Variants in RBFOX1 observed in about 807,000 individuals in gnomAD.
The protein encoded by RBFOX1 is RNA binding fox-1 homolog 1, also known as RNA binding protein fox-1 homolog 1.
Under a neutral mutation model 57.7 loss-of-function variants are expected in RBFOX1, and 8 were observed. The ratio of observed to expected loss-of-function variants is 0.14; its 90% confidence interval spans 0.08 to 0.25. The LOEUF is 0.25. Among genes scored for constraint, RBFOX1 ranks in the 10% least tolerant of loss-of-function variants. The pLI is 1.00. For missense variants in RBFOX1, 611 were observed against 548.5 expected, an observed-to-expected ratio of 1.11 and a Z score of -1.14; for synonymous variants, 326 against 222.4, an observed-to-expected ratio of 1.47 and a Z score of -4.15.
At chr16:6,846,561 T>G (rs1216612951) in intron 3 of RBFOX1, among the ~76,000 whole-genome samples, 2 of 152,182 alleles carry the variant, frequency 1.3e-5, no homozygotes, top group Non-Finnish European at 2.9e-5. Context: ...TTCGGGGAGC[T>G]GCTGCAATGC....
chr16:7,400,811 C>T (rs1302450469), intron 4 of RBFOX1, among the ~76,000 whole-genome samples: 1 of 152,192 alleles, frequency 6.6e-6, no homozygotes, highest in Non-Finnish European at 1.5e-5. Context: ...TAGGAGGAGT[C>T]AGTGTCCACA....
intron 15 of RBFOX1, chr16:7,710,195 G>A (rs887274): frequency 1 from 1,023,958 of 1,028,116 alleles, 510,036 homozygotes; most frequent in East Asian, 1. Context: ...TAAGAAGTAG[G>A]TTGAGATTTT....
At chr16:6,802,183 C>T (rs1240266648) in intron 3 of RBFOX1, among the ~76,000 whole-genome samples, 1 of 152,078 alleles carries the variant, frequency 6.6e-6, no homozygotes, top group Non-Finnish European at 1.5e-5. Flanking sequence ...GCTTTGGTTG[C>T]ATCCCAGCCT....
At chr16:6,468,144 G>C (rs747297599) in intron 2 of RBFOX1, among the ~76,000 whole-genome samples, 52 of 152,100 alleles carry the variant, frequency 3.4e-4, no homozygotes, top group Admixed American at 2.4e-3. Flanking sequence ...TGTGCAATGT[G>C]GGATAGAATT....
chr16:6,032,034 G>C (rs992990096), intron 1 of RBFOX1, among the ~76,000 whole-genome samples: 1 of 151,908 alleles, frequency 6.6e-6, no homozygotes, highest in Non-Finnish European at 1.5e-5. Flanking sequence ...GAAATGCTTT[G>C]GGGACTTCGG....
At chr16:5,506,328 T>A (rs1034269028) in intron 2 of RBFOX1, among the ~76,000 whole-genome samples, 5 of 152,202 alleles carry the variant, frequency 3.3e-5, no homozygotes, top group African/African-American at 1.2e-4. Context: ...AAGTCGCGGA[T>A]AGCTCCTCAC....
chr16:5,834,627 C>G (rs201716580), intron 3 of RBFOX1, among the ~76,000 whole-genome samples: 1 of 134,294 alleles, frequency 7.4e-6, no homozygotes, highest in Non-Finnish European at 1.6e-5. Context: ...GATAGATTGA[C>G]TGATTTGTTT....
At chr16:5,709,119 G>C (rs755720709) in intron 3 of RBFOX1, among the ~76,000 whole-genome samples, 1 of 152,116 alleles carries the variant, frequency 6.6e-6, no homozygotes, top group Non-Finnish European at 1.5e-5. Context: ...TTGAGTTTCT[G>C]TCTCTTGCAA....
intron 3 of RBFOX1, among the ~76,000 whole-genome samples, chr16:7,036,516 C>CT (rs2044476725): frequency 6.6e-6 from 1 of 151,790 alleles, no homozygotes; most frequent in Non-Finnish European, 1.5e-5. Flanking sequence ...TGAGACCAGC[C>CT]TGGGTGTCTG....
chr16:7,560,496 C>T lies in RBFOX1; in HGVS notation c.271-19281C>T, dbSNP rs145424249. On this transcript the variant is annotated intron_variant, in intron 5 of 15. Transcript: ENST00000550418. ...CTCCGGATTTCACATTGTCATCCTGCGGTGGGAACATATCTTGCATTTTTA... is the reference window on the plus strand; with the variant it reads ...CTCCGGATTTCACATTGTCATCCTGTGGTGGGAACATATCTTGCATTTTTA... Among the ~76,000 whole-genome samples the T allele has an allele frequency of 2.4e-4, 36 of 148,434 alleles. No homozygotes were observed. In the East Asian group the frequency reaches 5.3e-3, roughly 22 times the overall value.
chr16:5,896,885 C>T (rs1014297328), intron 4 of RBFOX1, among the ~76,000 whole-genome samples: 1 of 152,118 alleles, frequency 6.6e-6, no homozygotes, highest in African/African-American at 2.4e-5. Flanking sequence ...TTCCCATTTT[C>T]TTCTGCTTTT....
At chr16:6,219,112 A>G (rs141985406) in intron 1 of RBFOX1, among the ~76,000 whole-genome samples, 1 of 152,298 alleles carries the variant, frequency 6.6e-6, no homozygotes, top group East Asian at 1.9e-4. Flanking sequence ...ATTGAGAGCA[A>G]AGGTCACAAT....
intron 3 of RBFOX1, chr16:7,004,099 G>T (rs1157845316): frequency 6.6e-6 from 1 of 150,562 alleles, no homozygotes; most frequent in East Asian, 2.0e-4. Context: ...TATATGTGTT[G>T]CCAATGTGGA....
chr16:6,572,632 A>T (rs937524371), intron 2 of RBFOX1, among the ~76,000 whole-genome samples: 8 of 151,448 alleles, frequency 5.3e-5, no homozygotes, highest in African/African-American at 1.9e-4. Flanking sequence ...TCACTCTGTC[A>T]CCCAGGCTGG....
At chr16:5,273,569 G>A (rs2063068838) in intron 1 of RBFOX1, among the ~76,000 whole-genome samples, 2 of 152,182 alleles carry the variant, frequency 1.3e-5, no homozygotes, top group African/African-American at 4.8e-5. Context: ...GGTTTGGAAC[G>A]ACGGGAAGGA....
At chr16:6,259,783 C>T (rs756365977) in intron 1 of RBFOX1, among the ~76,000 whole-genome samples, 13 of 152,026 alleles carry the variant, frequency 8.6e-5, no homozygotes, top group South Asian at 2.1e-4. Context: ...CATGCTGAGA[C>T]GCCATTTGTA....
chr16:6,450,770 T>TAC (rs2094576994), intron 2 of RBFOX1, among the ~76,000 whole-genome samples: 1 of 19,916 alleles, frequency 5.0e-5, no homozygotes, highest in Admixed American at 8.4e-4. Context: ...TATATGTGTA[T>TAC]ATATATATAT....
At chr16:7,168,170 G>T (rs74009276) in intron 4 of RBFOX1, among the ~76,000 whole-genome samples, 26,501 of 152,116 alleles carry the variant, frequency 0.17, 3,268 homozygotes, top group East Asian at 0.39. Flanking sequence ...TATCAATGAT[G>T]GCTTTTCTAT....
At chr16:7,199,992 A>C (rs1221231406) in intron 4 of RBFOX1, among the ~76,000 whole-genome samples, 1 of 152,242 alleles carries the variant, frequency 6.6e-6, no homozygotes, top group Non-Finnish European at 1.5e-5. Flanking sequence ...CTCATTCTTG[A>C]ATGTGCTCAG....
Sources: allele counts gnomAD v4.1 joint callset (sites outside exome capture counted in the v4.1 genomes callset), GRCh38; gene constraint gnomAD v4.1.1; transcripts MANE v1.5; gene names NCBI Gene and HGNC (gene_info 2026-07-23, HGNC 2026-07-21).